TMEM244: variants seen among roughly 807,000 people sequenced by gnomAD.
TMEM244 encodes putative transmembrane protein 244.
TMEM244 carries 13 observed loss-of-function variants against 15.8 expected under a neutral mutation model. The ratio of observed to expected loss-of-function variants is 0.82; its 90% CI spans 0.53 to 1.30. The LOEUF (loss-of-function observed/expected upper bound fraction) is 1.30, where lower values mean the gene tolerates loss of function less well. Among genes scored for constraint, TMEM244 ranks in the 50% most tolerant of loss-of-function variants. The pLI, the probability that TMEM244 is intolerant of heterozygous loss-of-function variation, is 0.00. For synonymous variants in TMEM244, 45 were observed against 48.7 expected (o/e 0.92, Z 0.32); for missense variants, 161 against 144.9 (o/e 1.11, Z -0.57).
At chr6:129,860,145 G>GTGTC (rs372011367) in intron 1 of TMEM244, among the ~76,000 whole-genome samples, 12,932 of 128,564 alleles carry the variant, frequency 0.1, 654 homozygotes, top group Middle Eastern at 0.13. Context: ...GTGTGTGTGT[G>GTGTC]TGTCTGTCTG....
At chr6:129,852,860 A>G (rs777796018) in intron 1 of TMEM244, among the ~76,000 whole-genome samples, 26 of 152,020 alleles carry the variant, frequency 1.7e-4, no homozygotes, top group Non-Finnish European at 3.2e-4. Flanking sequence ...ATCCAGTCTC[A>G]GCCTCTCCCC....
At chr6:129,832,215 A>G (rs1776338790) in intron 4 of TMEM244, among the ~76,000 whole-genome samples, 1 of 150,652 alleles carries the variant, frequency 6.6e-6, no homozygotes, top group Admixed American at 6.7e-5. Context: ...TCCCTGCCTC[A>G]GCCTCCCAAG....
chr6:129,841,795 T>C (rs992013427), intron 3 of TMEM244, among the ~76,000 whole-genome samples: 31 of 152,142 alleles, frequency 2.0e-4, no homozygotes, highest in African/African-American at 7.5e-4. Flanking sequence ...GTGTCCTTAC[T>C]AAAATTGATC....
chr6:129,832,180 C>A (rs1435050103), intron 4 of TMEM244, among the ~76,000 whole-genome samples: 2 of 148,712 alleles, frequency 1.3e-5, no homozygotes, highest in African/African-American at 2.5e-5. Context: ...TTACTGCAAC[C>A]TCTGCCTCCT....
chr6:129,853,413 T>C (rs556700968), intron 1 of TMEM244, among the ~76,000 whole-genome samples: 8 of 152,304 alleles, frequency 5.3e-5, no homozygotes, highest in African/African-American at 1.9e-4. Context: ...CCGTATAATA[T>C]TCAAACACAT....
intron 1 of TMEM244, 62 bp from the exon 2 acceptor site, chr6:129,845,914 T>C: frequency 9.0e-7 from 1 of 1,112,298 alleles, no homozygotes. Flanking sequence ...CTTTGGTAAC[T>C]ATTTTGACAA....
rs534747376 is a variant in TMEM244 at position 129,853,002 on chromosome 6, T to G, written c.34-7150A>C. Among the ~76,000 whole-genome samples, 3 of 152,272 alleles carry G rather than the reference T, an allele frequency of 2.0e-5. No individual in the cohort carries two copies. The East Asian group carries it at 5.8e-4, about 29-fold the overall frequency. Reference sequence around the variant, plus strand: ...CTATTGATGGAGCTCATTTTGGAAGTTGAAAAAACAAATGAGCACCCACAG... The same window carrying G: ...CTATTGATGGAGCTCATTTTGGAAGGTGAAAAAACAAATGAGCACCCACAG... On this transcript the variant is annotated intron_variant, in intron 1 of 4. Transcript: ENST00000368143.
chr6:129,839,517 A>G (rs1776456076), intron 3 of TMEM244, among the ~76,000 whole-genome samples: 1 of 152,250 alleles, frequency 6.6e-6, no homozygotes, highest in South Asian at 2.1e-4. Context: ...GAAAACTGGC[A>G]CAAGAAAAGG....
In TMEM244 at chr6:129,831,404, T is replaced by A. The variant is rs1776327910; in HGVS notation, c.320-18A>T. Reference sequence around the variant, plus strand: ...CAACATAACTGCAATAGAAAAAAAATGTTTAATTTCAAAACATGCGTTTTT... The same window carrying A: ...CAACATAACTGCAATAGAAAAAAAAAGTTTAATTTCAAAACATGCGTTTTT... On this transcript the variant is annotated intron_variant, in intron 4 of 4. Coordinates refer to ENST00000368143, the MANE Select transcript of TMEM244 (RefSeq NM_001010876.2). 1.3e-6 allele frequency: 2 copies of A among 1,533,382 alleles called. No individual in the cohort carries two copies. Among genetic ancestry groups the A allele is most frequent in the African/African-American group, 1.4e-5 (1 of 74,034 alleles). 95.0% of individuals were successfully genotyped at this position (1,533,382 alleles called of 1,614,324 possible).
chr6:129,844,277 T>G (rs1296204381), intron 2 of TMEM244, among the ~76,000 whole-genome samples: 2 of 152,212 alleles, frequency 1.3e-5, no homozygotes, highest in African/African-American at 4.8e-5. Flanking sequence ...GTCCACCAAG[T>G]GGACTTAATT....
At chr6:129,861,075 A>C in intron 1 of TMEM244, 81 bp downstream of exon 1, 1 of 1,473,280 alleles carries the variant, frequency 6.8e-7, no homozygotes, top group Non-Finnish European at 9.4e-7. Flanking sequence ...ACTGACAGAG[A>C]GGCCATTTAT....
chr6:129,853,355 C>T (rs1776659967), intron 1 of TMEM244, among the ~76,000 whole-genome samples: 1 of 152,150 alleles, frequency 6.6e-6, no homozygotes, highest in African/African-American at 2.4e-5. Context: ...CCAAGAAGTT[C>T]CCCTGACTTC....
Position 129,845,951 on chromosome 6 carries a change from G to T in TMEM244, c.34-99C>A, listed in dbSNP as rs1776555390. 3.5e-5 allele frequency: 28 copies of T among 801,470 alleles called. No homozygotes were observed. The South Asian group carries it at 4.5e-4, about 13-fold the overall frequency. The allele number at this position is 801,470 out of a possible 1,614,324, so 49.6% of individuals were successfully genotyped here. A position where few individuals can be genotyped will look rare whatever the true frequency, so the allele number is the denominator to read the frequency against. ...AGATGATGAATGATTACTAGATAGT[G>T]TTGGCTAGCCTTGTATTGCTTAAGG... On this transcript the variant is annotated intron_variant, in intron 1 of 4. Transcript: ENST00000368143.
chr6:129,843,815 T>C (rs893530600), intron 2 of TMEM244, among the ~76,000 whole-genome samples: 4 of 152,208 alleles, frequency 2.6e-5, no homozygotes, highest in Admixed American at 1.3e-4. Context: ...ATCTCACTCT[T>C]CTTGCTAGAA....
At chr6:129,848,460 A>C (rs2114641942) in intron 1 of TMEM244, among the ~76,000 whole-genome samples, 1 of 152,332 alleles carries the variant, frequency 6.6e-6, no homozygotes, top group Admixed American at 6.5e-5. Flanking sequence ...CTGCCTCAAT[A>C]AAAGAAAAAT....
At chr6:129,842,928 TAA>T (rs144176159) in intron 3 of TMEM244, among the ~76,000 whole-genome samples, 10,410 of 151,258 alleles carry the variant, frequency 0.069, 435 homozygotes, top group Non-Finnish European at 0.091. Context: ...ATGCCAAATT[TAA>T]AAGAGAGAAA....
intron 2 of TMEM244, among the ~76,000 whole-genome samples, chr6:129,843,892 AACAAGGG>A (rs1471484076): frequency 6.6e-6 from 1 of 152,226 alleles, no homozygotes; most frequent in African/African-American, 2.4e-5. Context: ...GTATAAAGGT[AACAAGGG>A]ACAAGGCAAC....
chr6:129,838,919 A>C (rs1443089247), intron 3 of TMEM244, among the ~76,000 whole-genome samples: 1 of 151,588 alleles, frequency 6.6e-6, no homozygotes, highest in Non-Finnish European at 1.5e-5. Flanking sequence ...ACAGGTTCTG[A>C]AATAGAGGAA....
At chr6:129,840,789 A>G (rs1776479026) in intron 3 of TMEM244, among the ~76,000 whole-genome samples, 1 of 152,236 alleles carries the variant, frequency 6.6e-6, no homozygotes. Flanking sequence ...TTCTCAAAAG[A>G]AGACGTTTAT....
Sources: allele counts gnomAD v4.1 joint callset (sites outside exome capture counted in the v4.1 genomes callset), GRCh38; gene constraint gnomAD v4.1.1; transcripts MANE v1.5; gene names NCBI Gene and HGNC (gene_info 2026-07-23, HGNC 2026-07-21).